Variants in SUGCT observed in about 807,000 individuals in gnomAD.
SUGCT encodes the protein succinyl-CoA:glutarate-CoA transferase, also known as succinyl-CoA:glutarate CoA-transferase.
In SUGCT, 41 loss-of-function variants were observed where a neutral mutation model predicts 55.0. The ratio of observed to expected loss-of-function variants is 0.74; its 90% CI spans 0.58 to 0.97. The LOEUF is 0.97. Among genes scored for constraint, SUGCT ranks in the 50% least tolerant of loss-of-function variants. The probability of loss-of-function intolerance (pLI) is 0.00; values close to 1 mark genes in which losing one functional copy is unlikely to be tolerated. For missense variants in SUGCT, 568 were observed against 547.8 expected, an observed-to-expected ratio of 1.04 and a Z score of -0.37; for synonymous variants, 187 against 200.4, an observed-to-expected ratio of 0.93 and a Z score of 0.56.
the SUGCT span, among the ~76,000 whole-genome samples, chr7:40,946,105 A>C: frequency 8.0e-6 from 1 of 124,802 alleles, no homozygotes; most frequent in African/African-American, 3.0e-5. Context: ...GTCACATACA[A>C]GTTTTTTTTT....
At chr7:40,677,695 T>A (rs1784065802) in intron 12 of SUGCT, among the ~76,000 whole-genome samples, 1 of 152,218 alleles carries the variant, frequency 6.6e-6, no homozygotes, top group Non-Finnish European at 1.5e-5. Flanking sequence ...CATATCTTGC[T>A]TTTAAAAGAT....
At position 40,645,019 on chromosome 7, in the gene SUGCT, C is replaced by T. The variant is rs116719645; in HGVS notation, c.1090-104415C>T. ...CCCCTGCTGGTCCCTTCTTCCTGCC[C>T]GCTGCAGGCCTTTTAATCTCATGAG... On this transcript the variant is annotated intron_variant, in intron 12 of 13. Transcript: ENST00000335693. Among the ~76,000 whole-genome samples the T allele has an allele frequency of 6.6e-5, 10 of 152,200 alleles. No individual in the cohort carries two copies. In the East Asian group the frequency reaches 9.7e-4, roughly 15 times the overall value.
chr7:40,661,349 A>T (rs974779431), intron 12 of SUGCT, among the ~76,000 whole-genome samples: 1 of 152,120 alleles, frequency 6.6e-6, no homozygotes, highest in African/African-American at 2.4e-5. Context: ...CTTCTGAAAG[A>T]TTCAGTTACC....
the SUGCT span, among the ~76,000 whole-genome samples, chr7:40,890,803 G>T: frequency 6.6e-6 from 1 of 152,042 alleles, no homozygotes; most frequent in African/African-American, 2.4e-5. Context: ...ACAAAATGAA[G>T]TACCAGTAAT....
chr7:40,953,503 G>T, the SUGCT span, among the ~76,000 whole-genome samples: 22 of 152,316 alleles, frequency 1.4e-4, no homozygotes, highest in African/African-American at 5.1e-4. Context: ...GAGGAACTGC[G>T]TTCCTTTGGA....
intron 13 of SUGCT, among the ~76,000 whole-genome samples, chr7:40,818,404 C>T (rs1453257752): frequency 2.6e-5 from 4 of 152,184 alleles, no homozygotes; most frequent in East Asian, 1.9e-4. Context: ...GTTGCCTCAC[C>T]CCCCTGGGGC....
chr7:40,551,686 A>C (rs1200693332), intron 12 of SUGCT, among the ~76,000 whole-genome samples: 1 of 152,226 alleles, frequency 6.6e-6, no homozygotes, highest in Admixed American at 6.5e-5. Context: ...GAGACCGTTC[A>C]GTTGGAGAGA....
chr7:40,859,268 T>A (rs1335744989), intron 13 of SUGCT, among the ~76,000 whole-genome samples: 2 of 152,142 alleles, frequency 1.3e-5, no homozygotes, highest in East Asian at 3.9e-4. Context: ...AGCCTCTCCG[T>A]GGAAGAGTGA....
intron 12 of SUGCT, among the ~76,000 whole-genome samples, chr7:40,563,716 GATA>G (rs562095224): frequency 1.6e-4 from 24 of 150,008 alleles, no homozygotes; most frequent in Non-Finnish European, 1.3e-4. Flanking sequence ...TGTCTCTAAT[GATA>G]ATAATAATAA....
At chr7:40,961,725 C>T in the SUGCT span, among the ~76,000 whole-genome samples, 1 of 151,926 alleles carries the variant, frequency 6.6e-6, no homozygotes, top group African/African-American at 2.4e-5. Context: ...CAGATGTGTC[C>T]AGAGTTTCTT....
the SUGCT span, among the ~76,000 whole-genome samples, chr7:40,939,283 A>G: frequency 6.6e-6 from 1 of 152,198 alleles, no homozygotes; most frequent in African/African-American, 2.4e-5. Context: ...CGAAAACAGT[A>G]TGGGAGAAAC....
intron 7 of SUGCT, among the ~76,000 whole-genome samples, chr7:40,269,157 G>A (rs978267151): frequency 6.6e-6 from 1 of 152,060 alleles, no homozygotes; most frequent in African/African-American, 2.4e-5. Flanking sequence ...GTGTGAAGTA[G>A]TATTTCACTG....
chr7:40,513,824 C>T (rs1241564485), intron 12 of SUGCT, among the ~76,000 whole-genome samples: 1 of 115,068 alleles, frequency 8.7e-6, no homozygotes, highest in African/African-American at 3.4e-5. Context: ...GAGTCTTGGT[C>T]TGTCACCTGG....
chr7:40,175,752 C>T (rs543933760), intron 1 of SUGCT, among the ~76,000 whole-genome samples: 8 of 152,050 alleles, frequency 5.3e-5, no homozygotes, highest in South Asian at 2.1e-4. Flanking sequence ...ATGTTAAAAA[C>T]GTAACATTAA....
At chr7:40,678,416 A>C (rs1584260136) in intron 12 of SUGCT, among the ~76,000 whole-genome samples, 1 of 152,314 alleles carries the variant, frequency 6.6e-6, no homozygotes, top group South Asian at 2.1e-4. Context: ...AGCTATTTTT[A>C]GTTGTCAAAA....
chr7:40,934,364 G>A, the SUGCT span, among the ~76,000 whole-genome samples: 5 of 152,160 alleles, frequency 3.3e-5, no homozygotes, highest in Non-Finnish European at 7.4e-5. Context: ...GCCCCTACTG[G>A]GAGGTGTCTC....
chr7:40,961,829 G>A, the SUGCT span, among the ~76,000 whole-genome samples: 25 of 152,148 alleles, frequency 1.6e-4, no homozygotes, highest in Non-Finnish European at 2.5e-4. Flanking sequence ...CGCATCCGGA[G>A]TTGTTTGTTC....
intron 1 of SUGCT, among the ~76,000 whole-genome samples, chr7:40,169,772 G>A (rs1181285666): frequency 1.3e-5 from 2 of 150,698 alleles, no homozygotes; most frequent in Non-Finnish European, 2.9e-5. Context: ...GTCCCATTCT[G>A]CCTGCTCCTC....
chr7:40,160,117 C>T (rs1342869098), intron 1 of SUGCT, among the ~76,000 whole-genome samples: 3 of 152,320 alleles, frequency 2.0e-5, no homozygotes, highest in Non-Finnish European at 4.4e-5. Context: ...TAAACCTTAG[C>T]TCTGTATACA....
Sources: gnomAD v4.1 joint callset for allele counts (sites outside exome capture counted in the v4.1 genomes callset) on GRCh38, gnomAD v4.1.1 for gene constraint, MANE v1.5 for transcripts, NCBI Gene and HGNC (gene_info 2026-07-23, HGNC 2026-07-21) for gene names.